KDM4C: variants seen among roughly 807,000 people sequenced by gnomAD.
The protein encoded by KDM4C is lysine-specific demethylase 4C.
A neutral mutation model predicts 129.3 loss-of-function variants in KDM4C; 81 were observed. That is an observed-to-expected ratio of 0.63 (90% CI 0.52 to 0.75). The LOEUF (loss-of-function observed/expected upper bound fraction) is 0.75. Among genes scored for constraint, KDM4C ranks in the 30% least tolerant of loss-of-function variants. The pLI is 0.00. For synonymous variants in KDM4C, 573 were observed against 456.1 expected, an observed-to-expected ratio of 1.26 and a Z score of -3.26; for missense variants, 1,457 against 1,304.0, an observed-to-expected ratio of 1.12 and a Z score of -1.81.
intron 7 of KDM4C, among the ~76,000 whole-genome samples, chr9:6,890,884 G>A (rs113512977): frequency 1.3e-5 from 2 of 152,218 alleles, no homozygotes; most frequent in African/African-American, 4.8e-5. Flanking sequence ...ACGTGGCTCA[G>A]ATAATGGAGC....
chr9:6,753,404 G>A (rs1242075957), upstream of KDM4C, among the ~76,000 whole-genome samples: 2 of 152,210 alleles, frequency 1.3e-5, no homozygotes, highest in East Asian at 3.9e-4. Flanking sequence ...ATTTTGTGGT[G>A]CTATAATAGG....
intron 8 of KDM4C, among the ~76,000 whole-genome samples, chr9:6,919,507 C>T (rs1316129234): frequency 6.7e-6 from 1 of 150,058 alleles, no homozygotes; most frequent in Non-Finnish European, 1.5e-5. Flanking sequence ...GAAGAATTGC[C>T]TATATTTCAT....
intron 6 of KDM4C, among the ~76,000 whole-genome samples, chr9:6,884,225 A>G (rs936202153): frequency 2.6e-5 from 4 of 152,156 alleles, no homozygotes; most frequent in African/African-American, 9.7e-5. Context: ...TTCCTGAGTA[A>G]CCACTCCGTG....
chr9:7,067,269 G>A (rs965529015), intron 17 of KDM4C, among the ~76,000 whole-genome samples: 3 of 152,184 alleles, frequency 2.0e-5, no homozygotes, highest in African/African-American at 7.2e-5. Context: ...AGGCTGATAT[G>A]GGGGACCCCT....
intron 17 of KDM4C, among the ~76,000 whole-genome samples, chr9:7,090,191 G>T (rs1340903361): frequency 6.6e-6 from 1 of 152,134 alleles, no homozygotes; most frequent in Non-Finnish European, 1.5e-5. Flanking sequence ...GCTTCCTGTT[G>T]GAACTTGACA....
At chr9:7,074,154 G>T (rs1051313837) in intron 17 of KDM4C, among the ~76,000 whole-genome samples, 4 of 152,014 alleles carry the variant, frequency 2.6e-5, no homozygotes, top group Non-Finnish European at 5.9e-5. Flanking sequence ...TCTTTTAAGT[G>T]CTGAGCAAAT....
intron 18 of KDM4C, among the ~76,000 whole-genome samples, chr9:7,118,902 G>T (rs1479271465): frequency 2.7e-4 from 41 of 152,230 alleles, no homozygotes; most frequent in Admixed American, 2.3e-3. Flanking sequence ...GGTCAGCCTT[G>T]CCAGGTCTGA....
At chr9:6,883,982 C>CT (rs1313793904) in intron 6 of KDM4C, among the ~76,000 whole-genome samples, 2 of 152,140 alleles carry the variant, frequency 1.3e-5, no homozygotes, top group Non-Finnish European at 2.9e-5. Context: ...AATTTTAAAT[C>CT]TCGGTTTTCT....
At position 6,986,455 on chromosome 9, in the gene KDM4C, C is replaced by T. The variant is rs139903512; in HGVS notation, c.1466C>T (p.Pro489Leu). Reference sequence around the variant, plus strand: ...TCCAGTGAGGCTGATGATTCCATTCCATTGTCTAGTGGCTATGAGAAGCCC... The same window carrying T: ...TCCAGTGAGGCTGATGATTCCATTCTATTGTCTAGTGGCTATGAGAAGCCC... Reference protein sequence around the residue: ...SISSEADDSIPLSSGYEKPEK... With the variant: ...SISSEADDSILLSSGYEKPEK... The change falls in exon 11 of 22, where the codon CCA (proline) becomes CTA (leucine). Residue 489 changes from proline to leucine, a missense_variant. By Grantham distance (98) the Pro-to-Leu change is moderately conservative (BLOSUM62 -3). Coordinates refer to ENST00000381309, the MANE Select transcript of KDM4C (RefSeq NM_015061.6). 6.2e-7 allele frequency: 1 copy of T among 1,614,050 alleles called. No homozygotes were observed. The highest frequency in any genetic ancestry group is 1.3e-5 in the African/African-American group (1 of 75,022).
At chr9:6,807,491 G>T (rs1034263009) in intron 3 of KDM4C, among the ~76,000 whole-genome samples, 1 of 147,114 alleles carries the variant, frequency 6.8e-6, no homozygotes, top group African/African-American at 2.5e-5. Context: ...GTCTCTGCCC[G>T]GCCGCCCATC....
At chr9:6,905,925 C>T (rs148996886) in intron 8 of KDM4C, among the ~76,000 whole-genome samples, 85 of 152,004 alleles carry the variant, frequency 5.6e-4, no homozygotes, top group African/African-American at 1.8e-3. Context: ...TCTGTGTAAA[C>T]GAAGAAAATG....
At chr9:6,857,588 CT>C (rs769465715) in intron 5 of KDM4C, among the ~76,000 whole-genome samples, 3 of 152,034 alleles carry the variant, frequency 2.0e-5, no homozygotes, top group African/African-American at 7.2e-5. Flanking sequence ...AAGTCTCACT[CT>C]TTTTTCCTGA....
intron 18 of KDM4C, among the ~76,000 whole-genome samples, chr9:7,114,320 A>C (rs1022699340): frequency 1.3e-5 from 2 of 152,258 alleles, no homozygotes; most frequent in East Asian, 1.9e-4. Flanking sequence ...GAGTCTAGTC[A>C]CCCTCAGGGA....
At chr9:7,113,615 CAG>C (rs1564134545) in intron 18 of KDM4C, among the ~76,000 whole-genome samples, 1 of 152,184 alleles carries the variant, frequency 6.6e-6, no homozygotes, top group African/African-American at 2.4e-5. Flanking sequence ...ATGCTCACAA[CAG>C]CCTCAGCATA....
At chr9:6,752,079 ATCCC>A in intron 1 of KDM4C, among the ~76,000 whole-genome samples, 4 of 150,534 alleles carry the variant, frequency 2.7e-5, no homozygotes, top group African/African-American at 1.0e-4. Flanking sequence ...CACGCCTGTA[ATCCC>A]AGCACTTTGG....
At chr9:7,114,386 A>G (rs6477158) in intron 18 of KDM4C, among the ~76,000 whole-genome samples, 67,860 of 152,036 alleles carry the variant, frequency 0.45, 15,498 homozygotes, top group East Asian at 0.74. Context: ...TGAGAAATTA[A>G]TAACAATTGA....
intron 17 of KDM4C, among the ~76,000 whole-genome samples, chr9:7,102,916 C>G (rs1448631195): frequency 6.6e-6 from 1 of 152,150 alleles, no homozygotes; most frequent in Admixed American, 6.5e-5. Context: ...AGTTGTTTTT[C>G]TCTATCTCTC....
intron 19 of KDM4C, among the ~76,000 whole-genome samples, chr9:7,130,629 C>G (rs1307645408): frequency 2.0e-5 from 3 of 152,200 alleles, no homozygotes; most frequent in South Asian, 2.1e-4. Context: ...TGAGGCTTAA[C>G]AGCAGTTGCA....
intron 17 of KDM4C, among the ~76,000 whole-genome samples, chr9:7,090,356 C>A (rs1348420163): frequency 6.6e-6 from 1 of 152,034 alleles, no homozygotes; most frequent in Non-Finnish European, 1.5e-5. Flanking sequence ...AAATATTTAT[C>A]TCCACAGCTT....
Sources: allele counts gnomAD v4.1 joint callset (sites outside exome capture counted in the v4.1 genomes callset), GRCh38; gene constraint gnomAD v4.1.1; transcripts MANE v1.5; gene names NCBI Gene and HGNC (gene_info 2026-07-23, HGNC 2026-07-21).